LRRC4C: variants seen among roughly 807,000 people sequenced by gnomAD.
LRRC4C encodes the protein leucine rich repeat containing 4C.
LRRC4C carries 5 observed loss-of-function variants against 33.6 expected under a neutral mutation model. The observed-to-expected ratio is 0.15, with a 90% CI of 0.08 to 0.31. LRRC4C has a LOEUF of 0.31. Ranked by LOEUF, LRRC4C falls within the 10% of genes least tolerant of loss-of-function variation. LRRC4C has a pLI of 1.00. For synonymous variants in LRRC4C, 329 were observed against 302.0 expected (o/e 1.09, Z -0.93); for missense variants, 560 against 796.7 (o/e 0.70, Z 3.58).
intron 3 of LRRC4C, among the ~76,000 whole-genome samples, chr11:40,588,883 A>T (rs916731101): frequency 1.3e-5 from 2 of 151,692 alleles, no homozygotes; most frequent in African/African-American, 4.8e-5. Flanking sequence ...TGCTGAGGAG[A>T]GCTTTACTTC....
intron 1 of LRRC4C, among the ~76,000 whole-genome samples, chr11:41,293,673 C>A (rs1950054681): frequency 6.6e-6 from 1 of 152,130 alleles, no homozygotes. Context: ...TCTTAGCTCA[C>A]TGCTAACTCT....
chr11:41,031,534 A>C (rs1205132503), intron 1 of LRRC4C, among the ~76,000 whole-genome samples: 1 of 152,022 alleles, frequency 6.6e-6, no homozygotes, highest in Non-Finnish European at 1.5e-5. Context: ...AAGTTCATTC[A>C]GTGGACAAAT....
At chr11:40,721,813 C>T (rs1947031747) in intron 2 of LRRC4C, among the ~76,000 whole-genome samples, 1 of 152,054 alleles carries the variant, frequency 6.6e-6, no homozygotes, top group South Asian at 2.1e-4. Flanking sequence ...CGGTGGTGGG[C>T]GCCTGTAATG....
chr11:40,186,943 G>C (rs562584189), intron 5 of LRRC4C, among the ~76,000 whole-genome samples: 1 of 152,138 alleles, frequency 6.6e-6, no homozygotes, highest in Admixed American at 6.5e-5. Context: ...GGATGCCCTC[G>C]GTGGCTTGAG....
intron 2 of LRRC4C, among the ~76,000 whole-genome samples, chr11:40,744,857 TAA>T (rs1376602900): frequency 6.6e-6 from 1 of 152,288 alleles, no homozygotes; most frequent in East Asian, 1.9e-4. Context: ...TAACTTAACT[TAA>T]GTTTTCTTAT....
chr11:40,844,419 T>A (rs1953062812), intron 2 of LRRC4C, among the ~76,000 whole-genome samples: 1 of 152,142 alleles, frequency 6.6e-6, no homozygotes. Context: ...CTGCTAGGTA[T>A]TTTTCCACAT....
chr11:41,172,138 G>A (rs1240716057), intron 1 of LRRC4C, among the ~76,000 whole-genome samples: 1 of 152,130 alleles, frequency 6.6e-6, no homozygotes, highest in Non-Finnish European at 1.5e-5. Context: ...AGAACTGGCT[G>A]ACAGACTTAC....
At chr11:41,248,977 C>T (rs1348375821) in intron 1 of LRRC4C, among the ~76,000 whole-genome samples, 3 of 151,940 alleles carry the variant, frequency 2.0e-5, no homozygotes, top group Admixed American at 6.6e-5. Context: ...TCAAAATATA[C>T]TCTGAATTTG....
intron 2 of LRRC4C, among the ~76,000 whole-genome samples, chr11:40,822,788 T>A (rs1461446894): frequency 6.6e-6 from 1 of 151,750 alleles, no homozygotes; most frequent in Non-Finnish European, 1.5e-5. Context: ...GTCTTTTAGT[T>A]ATTTCCTAGT....
chr11:40,577,573 T>G (rs1958245717), intron 3 of LRRC4C, among the ~76,000 whole-genome samples: 1 of 152,118 alleles, frequency 6.6e-6, no homozygotes, highest in African/African-American at 2.4e-5. Context: ...CAGAAGAGAT[T>G]TGGCTATGTC....
chr11:40,580,625 G>A (rs780793564), intron 3 of LRRC4C, among the ~76,000 whole-genome samples: 7 of 151,892 alleles, frequency 4.6e-5, no homozygotes, highest in East Asian at 1.9e-4. Context: ...AGAATAACTC[G>A]GTGGTATGTT....
chr11:40,962,887 A>G (rs1438280573), intron 1 of LRRC4C, among the ~76,000 whole-genome samples: 1 of 151,766 alleles, frequency 6.6e-6, no homozygotes. Context: ...ATATTATTTG[A>G]GATAAACAGG....
chr11:40,557,806 T>C (rs1957390122), intron 3 of LRRC4C, among the ~76,000 whole-genome samples: 1 of 152,172 alleles, frequency 6.6e-6, no homozygotes, highest in Non-Finnish European at 1.5e-5. Flanking sequence ...AAGTGAATCC[T>C]ATGAGCCTTC....
intron 1 of LRRC4C, among the ~76,000 whole-genome samples, chr11:41,282,678 C>T (rs1949710824): frequency 6.6e-6 from 1 of 152,124 alleles, no homozygotes; most frequent in Non-Finnish European, 1.5e-5. Flanking sequence ...TTGCATTTAG[C>T]AGCAGTAACC....
intron 3 of LRRC4C, among the ~76,000 whole-genome samples, chr11:40,534,496 G>C (rs184693761): frequency 6.6e-6 from 1 of 152,252 alleles, no homozygotes; most frequent in East Asian, 1.9e-4. Context: ...CTTTCTAGCT[G>C]TGTGGCACTG....
At chr11:40,998,448 T>C (rs1261063100) in intron 1 of LRRC4C, among the ~76,000 whole-genome samples, 1 of 152,100 alleles carries the variant, frequency 6.6e-6, no homozygotes, top group Non-Finnish European at 1.5e-5. Context: ...AAATTAAAAT[T>C]GATACCCAAC....
At chr11:40,760,244 A>C (rs1283921731) in intron 2 of LRRC4C, among the ~76,000 whole-genome samples, 2 of 152,076 alleles carry the variant, frequency 1.3e-5, no homozygotes, top group African/African-American at 4.8e-5. Context: ...AATTTTATGA[A>C]ATTCAGATAT....
chr11:40,622,020 G>A (rs1254821963), intron 3 of LRRC4C, among the ~76,000 whole-genome samples: 4 of 151,784 alleles, frequency 2.6e-5, no homozygotes, highest in Non-Finnish European at 5.9e-5. Flanking sequence ...ATGAGACTAA[G>A]GATGTGTAGA....
intron 1 of LRRC4C, among the ~76,000 whole-genome samples, chr11:41,413,200 G>C (rs1484364637): frequency 6.6e-6 from 1 of 152,130 alleles, no homozygotes; most frequent in African/African-American, 2.4e-5. Context: ...AATGGAAAAA[G>C]TCTCAACATT....
Sources: gnomAD v4.1 joint callset for allele counts (sites outside exome capture counted in the v4.1 genomes callset) on GRCh38, gnomAD v4.1.1 for gene constraint, MANE v1.5 for transcripts, NCBI Gene and HGNC (gene_info 2026-07-23, HGNC 2026-07-21) for gene names.